The following MMD2 variants were observed in gnomAD, a reference collection of about 807,000 sequenced individuals.
The protein encoded by MMD2 is monocyte to macrophage differentiation factor 2.
In MMD2, 30 loss-of-function variants were observed where a neutral mutation model predicts 33.5. That is an observed-to-expected ratio of 0.90 (90% CI 0.67 to 1.22). MMD2 has a LOEUF of 1.22. Among genes scored for constraint, MMD2 ranks in the 50% most tolerant of loss-of-function variants. The pLI is 0.00. For missense variants in MMD2, 364 were observed against 325.4 expected (o/e 1.12, Z -0.91); for synonymous variants, 129 against 123.0 (o/e 1.05, Z -0.32).
At chr7:4,912,253 T>G (rs1785032527) in intron 4 of MMD2, among the ~76,000 whole-genome samples, 1 of 151,972 alleles carries the variant, frequency 6.6e-6, no homozygotes, top group African/African-American at 2.4e-5. Flanking sequence ...CAATATTGTG[T>G]GTATGTATAA....
rs915501737 is a variant in MMD2 at position 4,925,345 on chromosome 7, C to T, written c.129+106G>A. 1.1e-5 allele frequency: 10 copies of T among 884,868 alleles called. No individual in the cohort carries two copies. The East Asian group carries it at 1.7e-4, about 15-fold the overall frequency. 54.8% of individuals were successfully genotyped at this position (884,868 alleles called of 1,614,324 possible). On this transcript the variant is annotated intron_variant, in intron 2 of 6. Transcript: ENST00000401401. ...CCTTCCCTGAGGGCCACAGAAGACC[C>T]GAGGAACAGGCCACTTAGGACATAC... is the stretch of plus-strand genomic sequence containing the variant.
At chr7:4,949,085 C>T (rs578260843) in intron 1 of MMD2, among the ~76,000 whole-genome samples, 1 of 152,086 alleles carries the variant, frequency 6.6e-6, no homozygotes, top group East Asian at 1.9e-4. Context: ...TGGTGCACAC[C>T]TATAACCCCA....
rs948111261 is a variant in MMD2 at position 4,940,693 on chromosome 7, A to C, written c.48-15161T>G. On this transcript the variant is annotated intron_variant, in intron 1 of 6. Transcript: ENST00000401401. This position sits in a 1 kb window ranked among gnomAD's most constrained non-coding sequence, Gnocchi z 5.0. ...GGGCCGGTGCCACCTGGGAATGGTC[A>C]TGAAATAAAATCCTGGGGCAGACAG... Among the ~76,000 whole-genome samples, 2 of 152,202 alleles carry C rather than the reference A, an allele frequency of 1.3e-5. No homozygotes were observed. Among genetic ancestry groups the C allele is most frequent in the African/African-American group, 2.4e-5 (1 of 41,458 alleles).
At chr7:4,920,145 A>G (rs1321843107) in intron 3 of MMD2, 26 bp downstream of exon 3, 4 of 1,549,854 alleles carry the variant, frequency 2.6e-6, no homozygotes, top group Non-Finnish European at 3.5e-6. Context: ...CCTACCCGGC[A>G]TGGGTCCCCT....
downstream of MMD2, chr7:4,905,971 A>C (rs1784859189): frequency 6.5e-6 from 1 of 153,458 alleles, no homozygotes; most frequent in Non-Finnish European, 1.5e-5. This position sits in a 1 kb window ranked among gnomAD's most constrained non-coding sequence, Gnocchi z 5.0. Context: ...AGCATCTCCC[A>C]GCACGGAGGC....
intron 1 of MMD2, among the ~76,000 whole-genome samples, chr7:4,949,248 C>A (rs1161681064): frequency 6.6e-6 from 1 of 151,952 alleles, no homozygotes; most frequent in Non-Finnish European, 1.5e-5. Flanking sequence ...TATTGTCACC[C>A]TGCTTGCTAT....
chr7:4,939,437 G>A (rs1345200228), intron 1 of MMD2, among the ~76,000 whole-genome samples: 1 of 151,940 alleles, frequency 6.6e-6, no homozygotes, highest in Non-Finnish European at 1.5e-5. Flanking sequence ...CAGCTGCCCA[G>A]GAGGCTGAGG....
In MMD2 at chr7:4,940,815, G is replaced by C. The variant is rs1261063887; in HGVS notation, c.48-15283C>G. 3.5e-4 allele frequency among the ~76,000 whole-genome samples: 53 copies of C among 152,190 alleles called. No individual in the cohort carries two copies. Among genetic ancestry groups the C allele is most frequent in the Non-Finnish European group, 4.4e-5 (3 of 68,030 alleles). Reference sequence around the variant, plus strand: ...CGGGACTCTGGCATGATCTGCAGGAGACAGCACTCAGGTGCACTGTGCGTG... The same window carrying C: ...CGGGACTCTGGCATGATCTGCAGGACACAGCACTCAGGTGCACTGTGCGTG... On this transcript the variant is annotated intron_variant, in intron 1 of 6. Coordinates refer to ENST00000401401, the MANE Select transcript of MMD2 (RefSeq NM_198403.4). This position sits in a 1 kb window ranked among gnomAD's most constrained non-coding sequence, Gnocchi z 5.0.
At chr7:4,954,714 C>T (rs1047937646) in intron 1 of MMD2, among the ~76,000 whole-genome samples, 38 of 152,140 alleles carry the variant, frequency 2.5e-4, no homozygotes, top group African/African-American at 3.1e-4. Context: ...CCACCTTGCC[C>T]GGCTGCAACT....
intron 3 of MMD2, 137 bp downstream of exon 3, chr7:4,920,034 C>T (rs1212155241): frequency 4.9e-6 from 5 of 1,021,480 alleles, no homozygotes; most frequent in South Asian, 3.4e-5. Context: ...CCTGCAAAGT[C>T]GCCCAGCCCA....
At chr7:4,896,813 C>G in the MMD2 span, among the ~76,000 whole-genome samples, 2 of 152,064 alleles carry the variant, frequency 1.3e-5, no homozygotes, top group African/African-American at 2.4e-5. Flanking sequence ...CCATTTATAT[C>G]AGCAATAATT....
chr7:4,893,385 T>G, the MMD2 span, among the ~76,000 whole-genome samples: 8 of 150,726 alleles, frequency 5.3e-5, no homozygotes, highest in Non-Finnish European at 1.0e-4. Context: ...TATTTATTTA[T>G]TTATTTATTT....
chr7:4,923,127 C>T (rs1469660989), intron 2 of MMD2, among the ~76,000 whole-genome samples: 1 of 150,244 alleles, frequency 6.7e-6, no homozygotes, highest in African/African-American at 2.5e-5. Flanking sequence ...AAACGAGTTT[C>T]ACTCATTCTG....
chr7:4,895,260 A>G, the MMD2 span, among the ~76,000 whole-genome samples: 1 of 152,050 alleles, frequency 6.6e-6, no homozygotes, highest in Admixed American at 6.6e-5. Flanking sequence ...TATTTTTAGT[A>G]AAGACGGGTT....
Position 4,907,469 on chromosome 7 carries a change from G to A in MMD2, c.668C>T (p.Ala223Val). 1 of 1,614,012 alleles carries A rather than the reference G, an allele frequency of 6.2e-7. No homozygotes were observed. Residue 223 changes from alanine to valine, a missense_variant, in exon 7 of 7, where the codon GCT becomes GTT. By Grantham distance (64) the Ala-to-Val change is moderately conservative (BLOSUM62 0). Transcript: ENST00000401401. ...CCAGATGGCATAGTAGTGGGTACCA[G>A]CACCAAATGCTACAAAGAGATGCCA... The part of the protein sequence containing the change: ...AIWHLFVAFG[A>V]GTHYYAIWRY...
chr7:4,900,996 C>T (rs548371860), downstream of MMD2, among the ~76,000 whole-genome samples: 9 of 150,932 alleles, frequency 6.0e-5, no homozygotes, highest in Admixed American at 2.0e-4. Context: ...AAAAATTAGC[C>T]GGGTATGGTG....
At chr7:4,915,207 G>C (rs1439620443) in intron 4 of MMD2, among the ~76,000 whole-genome samples, 2 of 151,550 alleles carry the variant, frequency 1.3e-5, no homozygotes, top group African/African-American at 4.8e-5. Flanking sequence ...GGAGTTGGAG[G>C]CTGCAGTGAG....
intron 5 of MMD2, 36 bp from the exon 6 acceptor site, chr7:4,909,986 T>C: frequency 6.2e-7 from 1 of 1,613,906 alleles, no homozygotes; most frequent in Non-Finnish European, 8.5e-7. Flanking sequence ...CCTTAGGACA[T>C]GCCTCCCCAC....
rs1230837032 is a variant in MMD2, at chr7:4,911,152, G to GGAA, written c.457_459dup (p.Phe153dup). ...CCCCCAGGCCTGGCTTACCGCTCAT[G>GGAA]GAAGAAGAAGACATAGATGGTGCCC... On this transcript the variant is annotated inframe_insertion, in exon 5 of 7. Coordinates refer to ENST00000401401, the MANE Select transcript of MMD2 (RefSeq NM_198403.4). The GGAA allele has an allele frequency of 2.5e-6, 4 of 1,582,144 alleles. No homozygotes were observed. Among genetic ancestry groups the GGAA allele is most frequent in the Non-Finnish European group, 3.4e-6 (4 of 1,164,980 alleles).
Sources: allele counts gnomAD v4.1 joint callset (sites outside exome capture counted in the v4.1 genomes callset), GRCh38; gene constraint gnomAD v4.1.1; non-coding constraint Gnocchi (gnomAD v3.1); transcripts MANE v1.5; gene names NCBI Gene and HGNC (gene_info 2026-07-23, HGNC 2026-07-21).